DCC: variants seen among roughly 807,000 people sequenced by gnomAD.
DCC encodes the protein netrin receptor DCC.
In DCC, 58 loss-of-function variants were observed where a neutral mutation model predicts 172.5. The observed-to-expected ratio is 0.34, with a 90% CI of 0.27 to 0.42. The LOEUF is 0.42. Among genes scored for constraint, DCC ranks in the 10% least tolerant of loss-of-function variants. The probability of loss-of-function intolerance (pLI) is 1.00; values close to 1 mark genes in which losing one functional copy is unlikely to be tolerated. For missense variants in DCC, 1,740 were observed against 1,791.0 expected, an observed-to-expected ratio of 0.97 and a Z score of 0.51; for synonymous variants, 709 against 644.5, an observed-to-expected ratio of 1.10 and a Z score of -1.52.
At chr18:52,514,806 G>T (rs1325329360) in intron 1 of DCC, among the ~76,000 whole-genome samples, 7 of 152,108 alleles carry the variant, frequency 4.6e-5, no homozygotes, top group Admixed American at 4.6e-4. Flanking sequence ...GAAAATAAGT[G>T]GAAATATTGC....
At chr18:53,267,681 G>C (rs983890158) in intron 12 of DCC, among the ~76,000 whole-genome samples, 1 of 152,004 alleles carries the variant, frequency 6.6e-6, no homozygotes, top group Admixed American at 6.6e-5. Context: ...GCCCAGGCTA[G>C]CCTCGAACTT....
intron 6 of DCC, 85 bp from the exon 7 acceptor site, chr18:53,065,961 C>G: frequency 6.6e-7 from 1 of 1,523,422 alleles, no homozygotes; most frequent in Non-Finnish European, 9.1e-7. Context: ...GCTGTTTTAT[C>G]AAACTTTGGT....
chr18:52,700,726 A>ACTTTGCC (rs1460648884), intron 1 of DCC, among the ~76,000 whole-genome samples: 2 of 152,240 alleles, frequency 1.3e-5, no homozygotes, highest in Non-Finnish European at 2.9e-5. Flanking sequence ...TTGCTGTCTT[A>ACTTTGCC]AAATGAAGAC....
intron 9 of DCC, among the ~76,000 whole-genome samples, chr18:53,186,483 C>G (rs1408808648): frequency 1.3e-5 from 2 of 152,146 alleles, no homozygotes; most frequent in African/African-American, 4.8e-5. Context: ...AGGACATGAG[C>G]TGAGCTGCTT....
At chr18:52,954,714 A>C (rs941259132) in intron 5 of DCC, among the ~76,000 whole-genome samples, 2 of 152,198 alleles carry the variant, frequency 1.3e-5, no homozygotes, top group African/African-American at 2.4e-5. Flanking sequence ...TATTTATATT[A>C]ATTGAATAAC....
intron 12 of DCC, among the ~76,000 whole-genome samples, chr18:53,252,759 A>G (rs2056454414): frequency 6.6e-6 from 1 of 152,012 alleles, no homozygotes; most frequent in African/African-American, 2.4e-5. Flanking sequence ...AGACCCAATT[A>G]TTGATCAAAA....
intron 5 of DCC, among the ~76,000 whole-genome samples, chr18:52,973,966 C>T (rs929506964): frequency 3.3e-5 from 5 of 151,940 alleles, no homozygotes; most frequent in African/African-American, 9.7e-5. Context: ...GTATGTGTGG[C>T]GGAGGTGTGT....
At chr18:52,402,891 CTAAT>C (rs1986493682) in intron 1 of DCC, among the ~76,000 whole-genome samples, 1 of 151,988 alleles carries the variant, frequency 6.6e-6, no homozygotes, top group South Asian at 2.1e-4. Flanking sequence ...GAACGAGGCA[CTAAT>C]TAATTGTCAT....
At chr18:53,463,533 A>G (rs1031660904) in intron 24 of DCC, among the ~76,000 whole-genome samples, 9 of 152,212 alleles carry the variant, frequency 5.9e-5, no homozygotes, top group African/African-American at 1.9e-4. Context: ...TGAGTAGGCA[A>G]TAACTATGTA....
intron 1 of DCC, among the ~76,000 whole-genome samples, chr18:52,699,414 C>A (rs536410078): frequency 2.0e-5 from 3 of 152,188 alleles, no homozygotes; most frequent in African/African-American, 4.8e-5. Context: ...CCCTATCCCC[C>A]CCAAGGTTTG....
intron 11 of DCC, among the ~76,000 whole-genome samples, chr18:53,210,548 A>T (rs978233841): frequency 2.0e-5 from 3 of 152,176 alleles, no homozygotes; most frequent in Admixed American, 2.0e-4. Flanking sequence ...TATCGAATTA[A>T]TTAGACAGCT....
At chr18:52,553,415 G>C (rs2032829450) in intron 1 of DCC, among the ~76,000 whole-genome samples, 1 of 152,046 alleles carries the variant, frequency 6.6e-6, no homozygotes, top group Non-Finnish European at 1.5e-5. Context: ...GTGATGGAGT[G>C]GGAGGGTGAA....
At chr18:53,038,925 G>A (rs182222934) in intron 5 of DCC, among the ~76,000 whole-genome samples, 77 of 151,968 alleles carry the variant, frequency 5.1e-4, no homozygotes, top group Admixed American at 2.2e-3. Flanking sequence ...AAACATGTAA[G>A]GGAAGGACAC....
At chr18:52,948,426 C>A (rs2145541849) in intron 5 of DCC, among the ~76,000 whole-genome samples, 1 of 152,160 alleles carries the variant, frequency 6.6e-6, no homozygotes, top group East Asian at 1.9e-4. Context: ...TGATCAATAT[C>A]TTTCAAAGCT....
At chr18:53,089,073 C>CT (rs2042963717) in intron 7 of DCC, among the ~76,000 whole-genome samples, 1 of 152,134 alleles carries the variant, frequency 6.6e-6, no homozygotes. Context: ...ATTGTACTCA[C>CT]TTTTTTGTTG....
At chr18:52,608,310 A>G (rs2034179625) in intron 1 of DCC, among the ~76,000 whole-genome samples, 2 of 152,320 alleles carry the variant, frequency 1.3e-5, no homozygotes, top group East Asian at 1.9e-4. Flanking sequence ...TGAACACCTT[A>G]TATTCAGCTT....
At chr18:52,675,335 G>A (rs1160961970) in intron 1 of DCC, among the ~76,000 whole-genome samples, 1 of 152,120 alleles carries the variant, frequency 6.6e-6, no homozygotes, top group Non-Finnish European at 1.5e-5. Flanking sequence ...GATTATAAAT[G>A]TGAGCCACCA....
intron 2 of DCC, among the ~76,000 whole-genome samples, chr18:52,882,665 T>C (rs1364320939): frequency 1.3e-5 from 2 of 152,172 alleles, no homozygotes; most frequent in Non-Finnish European, 2.9e-5. Context: ...GTTTTAAAAC[T>C]TGTGACCTAA....
intron 12 of DCC, among the ~76,000 whole-genome samples, chr18:53,286,947 A>T (rs912322677): frequency 1.3e-5 from 2 of 152,180 alleles, no homozygotes; most frequent in Non-Finnish European, 2.9e-5. Flanking sequence ...AGTGATAGGC[A>T]TATTGGGACT....
Sources: gnomAD v4.1 joint callset for allele counts (sites outside exome capture counted in the v4.1 genomes callset) on GRCh38, gnomAD v4.1.1 for gene constraint, MANE v1.5 for transcripts, NCBI Gene and HGNC (gene_info 2026-07-23, HGNC 2026-07-21) for gene names.